JAK3: variants seen among roughly 807,000 people sequenced by gnomAD.
The protein encoded by JAK3 is tyrosine-protein kinase JAK3.
A neutral mutation model predicts 120.8 loss-of-function variants in JAK3; 88 were observed. The ratio of observed to expected loss-of-function variants is 0.73; its 90% CI spans 0.61 to 0.87. The LOEUF (loss-of-function observed/expected upper bound fraction) is 0.87, where lower values mean the gene tolerates loss of function less well. Among genes scored for constraint, JAK3 ranks in the 40% least tolerant of loss-of-function variants. The pLI, the probability that JAK3 is intolerant of heterozygous loss-of-function variation, is 0.00. For missense variants in JAK3, 1,254 were observed against 1,501.4 expected (o/e 0.84, Z 2.72); for synonymous variants, 592 against 628.6 (o/e 0.94, Z 0.87).
rs1568401858 is a variant in JAK3 at position 17,832,568 on chromosome 19, T to C, written c.2631A>G (p.Ala877=). The C allele has an allele frequency of 1.2e-6, 2 of 1,614,212 alleles. No homozygotes were observed. Among genetic ancestry groups the C allele is most frequent in the Non-Finnish European group, 1.7e-6 (2 of 1,180,046 alleles). ...DFQREIQILK[A]LHSDFIVKYR... ...ACTTGACAATGAAATCACTGTGCAG[T>C]GCTTTGAGGATCTGAATCTCCCGCT... Residue 877 remains alanine, a synonymous_variant, in exon 19 of 24, where the codon GCA becomes GCG. Transcript: ENST00000458235. This position sits in a 1 kb window ranked among gnomAD's most constrained non-coding sequence, Gnocchi z 4.7.
chr19:17,833,338 G>A (rs2094217854), intron 17 of JAK3, among the ~76,000 whole-genome samples: 1 of 152,072 alleles, frequency 6.6e-6, no homozygotes, highest in South Asian at 2.1e-4. Flanking sequence ...AGGATCCAAC[G>A]GGGACCCAAC....
In JAK3 at chr19:17,842,229, T is replaced by A; in HGVS notation, c.861+87A>T. The A allele has an allele frequency of 7.4e-7, 1 of 1,357,764 alleles. No homozygotes were observed. The allele number at this position is 1,357,764 out of a possible 1,614,324, so 84.1% of individuals were successfully genotyped here. On this transcript the variant is annotated intron_variant, in intron 6 of 23. Coordinates refer to ENST00000458235, the MANE Select transcript of JAK3 (RefSeq NM_000215.4). The surrounding 1 kb of genome is among the most constrained non-coding windows in gnomAD (Gnocchi z 6.4). The stretch of plus-strand genomic sequence containing the variant: ...ACTTCCCCAAGTCTTTCGTTTTGGC[T>A]CCGCCCCACATCCCCTACCACTCTC...
rs1726785056 is a variant in JAK3 at position 17,835,918 on chromosome 19, A to C, written c.1914+6T>G. The C allele has an allele frequency of 6.2e-7, 1 of 1,613,502 alleles. No individual in the cohort carries two copies. Among genetic ancestry groups the C allele is most frequent in the South Asian group, 1.1e-5 (1 of 91,076 alleles). ...TGGAGGGTGGAGCAGGCAGAGGAGC[A>C]CTCACCAGATAGTTGAGGGCGTAGG... is the stretch of plus-strand genomic sequence containing the variant. On this transcript the variant is annotated splice_donor_region_variant and intron_variant, in intron 14 of 23. Coordinates refer to ENST00000458235, the MANE Select transcript of JAK3 (RefSeq NM_000215.4).
At chr19:17,828,132 T>A (rs1810338486) in intron 23 of JAK3, among the ~76,000 whole-genome samples, 1 of 152,154 alleles carries the variant, frequency 6.6e-6, no homozygotes, top group African/African-American at 2.4e-5. Flanking sequence ...CCTTCCAGCG[T>A]CGGCCCCGTA....
chr19:17,834,548 AC>A, intron 17 of JAK3, 22 bp downstream of exon 17: 1 of 1,099,082 alleles, frequency 9.1e-7, no homozygotes, highest in Non-Finnish European at 1.3e-6. Flanking sequence ...AGCCCTCCCC[AC>A]CCAACCCGTC....
chr19:17,843,746 C>G lies in JAK3; in HGVS notation c.308+31G>C. 6.2e-7 allele frequency: 1 copy of G among 1,612,296 alleles called. No individual in the cohort carries two copies. The highest frequency in any genetic ancestry group is 2.2e-5 in the East Asian group (1 of 44,836). On this transcript the variant is annotated intron_variant, in intron 3 of 23. Transcript: ENST00000458235. This position sits in a 1 kb window ranked among gnomAD's most constrained non-coding sequence, Gnocchi z 5.4. ...AATGCAAGGAGATGATAAAATTGTA[C>G]AATCCCTGGGGGCTGGGGGGCACTT...
At position 17,831,718 on chromosome 19, in the gene JAK3, GGC is replaced by G. The variant is rs2147676806; in HGVS notation, c.2759_2760del (p.Arg920ProfsTer47). ...TAGAGAAGGAGGCGGCTGGCATCGA[GGC>G]GCGCGCGGTGCCGCTGCAGGAAGTC... ...LRDFLQRHRA[R>X]LDASRLLLYS... On this transcript the variant is annotated frameshift_variant, in exon 20 of 24. Coordinates refer to ENST00000458235, the MANE Select transcript of JAK3 (RefSeq NM_000215.4). LOFTEE classifies it high-confidence loss of function. The surrounding 1 kb of genome is among the most constrained non-coding windows in gnomAD (Gnocchi z 5.1). 6.2e-7 allele frequency: 1 copy of G among 1,611,630 alleles called. No homozygotes were observed. The highest frequency in any genetic ancestry group is 8.5e-7 in the Non-Finnish European group (1 of 1,179,488).
At chr19:17,840,445 A>G in intron 8 of JAK3, 104 bp from the exon 9 acceptor site, 1 of 765,702 alleles carries the variant, frequency 1.3e-6, no homozygotes, top group Middle Eastern at 3.5e-4. Flanking sequence ...GATCCTTGCC[A>G]GGTGACACCC....
At chr19:17,833,058 C>A in intron 17 of JAK3, 129 bp from the exon 18 acceptor site, 1 of 1,480,658 alleles carries the variant, frequency 6.8e-7, no homozygotes, top group Non-Finnish European at 9.1e-7. Context: ...CCATTGCAAG[C>A]CAAAGGGTAC....
intron 17 of JAK3, among the ~76,000 whole-genome samples, chr19:17,834,031 C>T (rs140547059): frequency 2.6e-4 from 40 of 152,120 alleles, no homozygotes; most frequent in African/African-American, 9.6e-4. Flanking sequence ...TGAGCCACTG[C>T]GCCCAGCCAA....
chr19:17,831,132 C>A lies in JAK3; in HGVS notation c.2978+96G>T. ...CAGCGGAGGAAGGGCGGGGCTAAGGCTGGGGAGCAAAGCAGCGGGAGGGGG... is the reference window on the plus strand; with the variant it reads ...CAGCGGAGGAAGGGCGGGGCTAAGGATGGGGAGCAAAGCAGCGGGAGGGGG... On this transcript the variant is annotated intron_variant, in intron 21 of 23. Coordinates refer to ENST00000458235, the MANE Select transcript of JAK3 (RefSeq NM_000215.4). This position sits in a 1 kb window ranked among gnomAD's most constrained non-coding sequence, Gnocchi z 5.1. 1 of 1,258,298 alleles carries A rather than the reference C, an allele frequency of 7.9e-7. No homozygotes were observed. Among genetic ancestry groups the A allele is most frequent in the South Asian group, 1.3e-5 (1 of 76,114 alleles). 77.9% of individuals were successfully genotyped at this position (1,258,298 alleles called of 1,614,324 possible).
At chr19:17,830,024 A>G (rs2094210861) in intron 23 of JAK3, 84 bp downstream of exon 23, 2 of 964,048 alleles carry the variant, frequency 2.1e-6, no homozygotes, top group Non-Finnish European at 3.2e-6. Context: ...TTCTCAGTAC[A>G]GAGACTCAGG....
intron 13 of JAK3, among the ~76,000 whole-genome samples, chr19:17,836,518 G>A (rs149474638): frequency 1.3e-5 from 2 of 152,238 alleles, no homozygotes; most frequent in Non-Finnish European, 2.9e-5. Context: ...CTGATCTCAG[G>A]TGATCCACTC....
chr19:17,846,169 G>A (rs548977057), intron 1 of JAK3, among the ~76,000 whole-genome samples: 1 of 152,238 alleles, frequency 6.6e-6, no homozygotes, highest in Admixed American at 6.5e-5. Flanking sequence ...CTCAGCTTTC[G>A]CAGCTGTGAA....
Position 17,841,588 on chromosome 19 carries a change from G to T in JAK3, c.985-42C>A. 6.2e-7 allele frequency: 1 copy of T among 1,610,464 alleles called. No homozygotes were observed. Among genetic ancestry groups the T allele is most frequent in the Admixed American group, 1.7e-5 (1 of 59,236 alleles). The stretch of plus-strand genomic sequence containing the variant: ...TCAGAGCCCAGTGAAACCCGAGGGT[G>T]CCGGTCCCGCCCTCGGGGTAAGGCT... On this transcript the variant is annotated intron_variant, in intron 7 of 23. Transcript: ENST00000458235. This position sits in a 1 kb window ranked among gnomAD's most constrained non-coding sequence, Gnocchi z 4.1.
In JAK3 at chr19:17,843,786, T is replaced by C. The variant is rs137852624; in HGVS notation, c.299A>G (p.Tyr100Cys). ...VEDASTQVLL[Y>C]RIRFYFPNWF... ...GGGGGGCACTTCCTACCGAATCCTG[T>C]ACAGCAGGACTTGGGTGCTGGCATC... is the stretch of plus-strand genomic sequence containing the variant. Residue 100 changes from tyrosine to cysteine, a missense_variant, in exon 3 of 24, where the codon TAC (tyrosine) becomes TGC (cysteine). By Grantham distance (194) the Tyr-to-Cys change is radical. Transcript: ENST00000458235. This position sits in a 1 kb window ranked among gnomAD's most constrained non-coding sequence, Gnocchi z 5.4. The C allele has an allele frequency of 6.2e-7, 1 of 1,613,424 alleles. No individual in the cohort carries two copies. Among genetic ancestry groups the C allele is most frequent in the Non-Finnish European group, 8.5e-7 (1 of 1,179,916 alleles).
intron 23 of JAK3, 104 bp from the exon 24 acceptor site, chr19:17,827,014 CTG>C (rs1273056373): frequency 7.6e-7 from 1 of 1,314,220 alleles, no homozygotes; most frequent in African/African-American, 1.4e-5. Flanking sequence ...GAGTCTAGCT[CTG>C]TTGTCCAGGC....
At chr19:17,847,485 T>C (rs1282386556) in intron 1 of JAK3, among the ~76,000 whole-genome samples, 2 of 152,218 alleles carry the variant, frequency 1.3e-5, no homozygotes, top group Non-Finnish European at 2.9e-5. Flanking sequence ...GGTCTGGCTA[T>C]GTTGCCCAGG....
rs777493612 is a variant in JAK3, at chr19:17,826,861, G to A, written c.3257C>T (p.Pro1086Leu). 3.1e-6 allele frequency: 5 copies of A among 1,613,706 alleles called. No homozygotes were observed. Among genetic ancestry groups the A allele is most frequent in the Non-Finnish European group, 3.4e-6 (4 of 1,180,028 alleles). Reference protein sequence around the residue: ...LCWAPSPQDRPSFSALGPQLD... With the variant: ...LCWAPSPQDRLSFSALGPQLD... ...CTGGGGGCCCAGGGCGCTGAATGAT[G>A]GCCGGTCCTGTGGGCTAGGGGCCCA... Residue 1086 changes from proline (P) to leucine (L), a missense_variant, in exon 24 of 24, where the codon CCA (proline) becomes CTA (leucine). This residue lies in a region of JAK3 where 630 missense variants were observed against 819.8 expected (regional missense o/e 0.77). Coordinates refer to ENST00000458235, the MANE Select transcript of JAK3 (RefSeq NM_000215.4).
Sources: gnomAD v4.1 joint callset for allele counts (sites outside exome capture counted in the v4.1 genomes callset) on GRCh38, gnomAD v4.1.1 for gene constraint, gnomAD v4.1.1 regional missense constraint, Gnocchi (gnomAD v3.1) non-coding constraint, MANE v1.5 for transcripts, NCBI Gene and HGNC (gene_info 2026-07-23, HGNC 2026-07-21) for gene names.